Variants in ERBB4 observed in about 807,000 individuals in gnomAD.
ERBB4 encodes erb-b2 receptor tyrosine kinase 4.
In ERBB4, 42 loss-of-function variants were observed where a neutral mutation model predicts 158.0. The ratio of observed to expected loss-of-function variants is 0.27; its 90% confidence interval spans 0.21 to 0.34. The LOEUF (loss-of-function observed/expected upper bound fraction) is 0.34, where lower values mean the gene tolerates loss of function less well. Among genes scored for constraint, ERBB4 ranks in the 10% least tolerant of loss-of-function variants. The pLI is 1.00. For synonymous variants in ERBB4, 583 were observed against 558.7 expected (o/e 1.04, Z -0.61); for missense variants, 1,333 against 1,624.1 (o/e 0.82, Z 3.08).
chr2:211,831,263 C>A (rs553538811), intron 3 of ERBB4, among the ~76,000 whole-genome samples: 1 of 152,122 alleles, frequency 6.6e-6, no homozygotes, highest in Non-Finnish European at 1.5e-5. Context: ...AGGCAACCCT[C>A]GTGTCCACTT....
intron 1 of ERBB4, among the ~76,000 whole-genome samples, chr2:212,530,914 A>G (rs1314022532): frequency 6.6e-6 from 1 of 152,202 alleles, no homozygotes; most frequent in Non-Finnish European, 1.5e-5. Context: ...CATTTAAACT[A>G]TGTTCGAAAT....
intron 20 of ERBB4, among the ~76,000 whole-genome samples, chr2:211,534,778 C>T (rs2066598858): frequency 6.6e-6 from 1 of 152,078 alleles, no homozygotes; most frequent in Non-Finnish European, 1.5e-5. Context: ...AGGTAATTTA[C>T]ACAAATAGGC....
At chr2:211,498,340 GTTAC>G (rs1299982082) in intron 20 of ERBB4, among the ~76,000 whole-genome samples, 1 of 152,044 alleles carries the variant, frequency 6.6e-6, no homozygotes, top group Non-Finnish European at 1.5e-5. Context: ...CACTAGAAGA[GTTAC>G]TTGTTTATTT....
intron 3 of ERBB4, among the ~76,000 whole-genome samples, chr2:211,860,427 T>A (rs1575264512): frequency 6.6e-6 from 1 of 152,244 alleles, no homozygotes; most frequent in East Asian, 1.9e-4. Context: ...ATGTCAAATT[T>A]TAGATTAAAA....
Position 211,431,279 on chromosome 2 carries a change from C to T in ERBB4, c.2488-179G>A, listed in dbSNP as rs182228969. Among the ~76,000 whole-genome samples, 568 of 152,286 alleles carry T rather than the reference C, an allele frequency of 3.7e-3. 16 individuals are homozygous for T. Among genetic ancestry groups the T allele is most frequent in the Admixed American group, 0.035 (539 of 15,286 alleles). Reference sequence around the variant, plus strand: ...TTGGGGGACAGCAAACCACAAACAGCTTTTGGTGTTTTCTCCCTAAAGTCC... The same window carrying T: ...TTGGGGGACAGCAAACCACAAACAGTTTTTGGTGTTTTCTCCCTAAAGTCC... On this transcript the variant is annotated intron_variant, in intron 20 of 27. Transcript: ENST00000342788.
chr2:211,998,408 T>C (rs1488910381), intron 2 of ERBB4, among the ~76,000 whole-genome samples: 2 of 151,750 alleles, frequency 1.3e-5, no homozygotes, highest in African/African-American at 4.8e-5. Flanking sequence ...ACTTGGTCCT[T>C]ATCACAGATC....
Position 211,852,879 on chromosome 2 carries a change from T to C in ERBB4, c.422-64720A>G, listed in dbSNP as rs193126036. Among the ~76,000 whole-genome samples the C allele has an allele frequency of 2.1e-3, 313 of 152,108 alleles. 3 individuals are homozygous for C. Among genetic ancestry groups the C allele is most frequent in the African/African-American group, 7.2e-3 (298 of 41,542 alleles). On this transcript the variant is annotated intron_variant, in intron 3 of 27. Transcript: ENST00000342788. ...AAGATCCTTTCTCTGGAGCTATTAC[T>C]GGCAGCTAGAATTTACAGGTATGCT... is the stretch of plus-strand genomic sequence containing the variant.
chr2:212,355,428 T>C (rs915874597), intron 1 of ERBB4, among the ~76,000 whole-genome samples: 5 of 152,012 alleles, frequency 3.3e-5, no homozygotes, highest in Non-Finnish European at 5.9e-5. Context: ...AGGGTCTTGA[T>C]CTACAAACCT....
At chr2:211,976,417 T>C (rs1559229253) in intron 2 of ERBB4, among the ~76,000 whole-genome samples, 1 of 152,180 alleles carries the variant, frequency 6.6e-6, no homozygotes, top group African/African-American at 2.4e-5. Context: ...CATTATCTTA[T>C]CTTAGCTTAA....
chr2:211,613,877 A>T (rs1051162328), intron 19 of ERBB4, among the ~76,000 whole-genome samples: 2 of 152,080 alleles, frequency 1.3e-5, no homozygotes, highest in Non-Finnish European at 2.9e-5. Flanking sequence ...TCAAAAAACT[A>T]AAAATTGAGC....
At chr2:212,268,782 T>C (rs571464484) in intron 1 of ERBB4, among the ~76,000 whole-genome samples, 2 of 151,966 alleles carry the variant, frequency 1.3e-5, no homozygotes, top group African/African-American at 2.4e-5. Context: ...GGGTAATAGT[T>C]TGCCAAATCC....
At chr2:211,676,567 A>C (rs989153681) in intron 13 of ERBB4, among the ~76,000 whole-genome samples, 2 of 149,056 alleles carry the variant, frequency 1.3e-5, no homozygotes, top group South Asian at 2.1e-4. Context: ...TTCTGGGAAA[A>C]AAACAAACAA....
intron 1 of ERBB4, among the ~76,000 whole-genome samples, chr2:212,344,725 C>A (rs1296510633): frequency 1.3e-5 from 2 of 152,132 alleles, no homozygotes; most frequent in Non-Finnish European, 2.9e-5. Context: ...TGTATTGCAT[C>A]ATTTAATTTA....
chr2:212,487,581 C>A, intron 1 of ERBB4, among the ~76,000 whole-genome samples: 1 of 150,640 alleles, frequency 6.6e-6, no homozygotes, highest in African/African-American at 2.4e-5. Flanking sequence ...AAAAATTCAG[C>A]AAATATGTGT....
At chr2:212,453,226 T>C (rs188138563) in intron 1 of ERBB4, among the ~76,000 whole-genome samples, 1 of 152,314 alleles carries the variant, frequency 6.6e-6, no homozygotes, top group Admixed American at 6.5e-5. Flanking sequence ...ATCTTCCCCT[T>C]ACCCCCTCCG....
chr2:212,498,116 A>ATGTGTGTGTGTGTGCATATCTATG (rs1690682252), intron 1 of ERBB4, among the ~76,000 whole-genome samples: 2 of 144,654 alleles, frequency 1.4e-5, no homozygotes, highest in African/African-American at 5.5e-5. Context: ...GTGCATATCT[A>ATGTGTGTGTGTGTGCATATCTATG]TGTGTGTGTG....
chr2:211,815,278 T>C (rs934659511), intron 3 of ERBB4, among the ~76,000 whole-genome samples: 4 of 152,186 alleles, frequency 2.6e-5, no homozygotes, highest in African/African-American at 2.4e-5. Flanking sequence ...TATAAAAACA[T>C]AAAGTGTTAT....
At chr2:211,595,823 C>T (rs1046838388) in intron 19 of ERBB4, among the ~76,000 whole-genome samples, 4 of 152,096 alleles carry the variant, frequency 2.6e-5, no homozygotes, top group Admixed American at 6.5e-5. Context: ...TTTTTGTATA[C>T]GTGGGTTCTT....
At chr2:211,750,205 C>T (rs532427176) in intron 5 of ERBB4, among the ~76,000 whole-genome samples, 2 of 152,216 alleles carry the variant, frequency 1.3e-5, no homozygotes, top group South Asian at 4.2e-4. Flanking sequence ...TGGAACAGTG[C>T]CTGGAAAAAT....
Sources: allele counts gnomAD v4.1 joint callset (sites outside exome capture counted in the v4.1 genomes callset), GRCh38; gene constraint gnomAD v4.1.1; transcripts MANE v1.5; gene names NCBI Gene and HGNC (gene_info 2026-07-23, HGNC 2026-07-21).